The following UBR4 variants were observed in gnomAD, a reference collection of about 807,000 sequenced individuals.
UBR4 encodes E3 ubiquitin-protein ligase UBR4.
UBR4 carries 124 observed loss-of-function variants against 575.6 expected under a neutral mutation model. That is an observed-to-expected ratio of 0.22 (90% CI 0.19 to 0.25). The LOEUF (loss-of-function observed/expected upper bound fraction) is 0.25. Ranked by LOEUF, UBR4 falls within the 10% of genes least tolerant of loss-of-function variation. UBR4 has a pLI of 1.00. For missense variants in UBR4, 4,818 were observed against 6,478.8 expected, an observed-to-expected ratio of 0.74 and a Z score of 8.80; for synonymous variants, 2,455 against 2,473.7, an observed-to-expected ratio of 0.99 and a Z score of 0.22.
intron 11 of UBR4, among the ~76,000 whole-genome samples, chr1:19,191,658 G>C (rs2092091823): frequency 6.6e-6 from 1 of 152,096 alleles, no homozygotes; most frequent in Non-Finnish European, 1.5e-5. Context: ...TATCCTCAAT[G>C]CCTAGAATAG....
At chr1:19,077,876 G>A (rs191348599) in intron 104 of UBR4, 100 bp downstream of exon 104, 107 of 1,599,638 alleles carry the variant, frequency 6.7e-5, no homozygotes, top group Admixed American at 4.0e-4. Context: ...CAGGCCCAGC[G>A]GAGGAGCAGC....
At position 19,164,820 on chromosome 1, in the gene UBR4, G is replaced by A; in HGVS notation, c.4490C>T (p.Thr1497Ile). 6.2e-7 allele frequency: 1 copy of A among 1,614,218 alleles called. No individual in the cohort carries two copies. The highest frequency in any genetic ancestry group is 8.5e-7 in the Non-Finnish European group (1 of 1,180,032). ...ENRQLLQLLT[T>I]YIVRENSQVG... ...CTACCTGTTTTCCCGAACAATGTAT[G>A]TGGTCAGTAACTGCAGCAGCTGCCG... Residue 1497 changes from threonine to isoleucine, a missense_variant, in exon 32 of 106, where the codon ACA becomes ATA. Physicochemically the swap from Thr to Ile is moderately conservative, Grantham distance 89. Around this residue, in one of 29 missense-constraint regions of UBR4, gnomAD observed 1,172 missense variants for 1,259.7 expected, o/e 0.93. Coordinates refer to ENST00000375254, the MANE Select transcript of UBR4 (RefSeq NM_020765.3).
intron 34 of UBR4, 129 bp from the exon 35 acceptor site, chr1:19,162,740 T>A: frequency 8.5e-7 from 1 of 1,177,508 alleles, no homozygotes; most frequent in East Asian, 2.7e-5. Flanking sequence ...AAAAACAGTG[T>A]GTTTTTATTT....
At chr1:19,115,371 T>C in intron 74 of UBR4, 27 bp downstream of exon 74, 1 of 1,611,616 alleles carries the variant, frequency 6.2e-7, no homozygotes, top group South Asian at 1.1e-5. Flanking sequence ...TGCACAGCCC[T>C]GGCCTAGGGG....
At chr1:19,166,888 C>T in intron 29 of UBR4, 134 bp downstream of exon 29, 1 of 1,000,070 alleles carries the variant, frequency 1.0e-6, no homozygotes, top group Non-Finnish European at 1.5e-6. Context: ...AGAGCGAGAC[C>T]ATGTCTCAGA....
intron 60 of UBR4, among the ~76,000 whole-genome samples, chr1:19,133,570 A>G (rs925880866): frequency 2.6e-5 from 4 of 152,238 alleles, no homozygotes; most frequent in African/African-American, 9.6e-5. Context: ...ATTAAAAAGT[A>G]TAAAGATTGG....
chr1:19,146,170 G>T, intron 52 of UBR4: 1 of 1,351,862 alleles, frequency 7.4e-7, no homozygotes. Flanking sequence ...GAGCATTTAG[G>T]ATGTTTACCG....
intron 84 of UBR4, 64 bp downstream of exon 84, chr1:19,105,669 G>C: frequency 8.1e-7 from 1 of 1,241,044 alleles, no homozygotes; most frequent in Non-Finnish European, 1.1e-6. Flanking sequence ...TGGATTCCCC[G>C]GGGAAGATGA....
chr1:19,177,413 T>A (rs373063988), intron 19 of UBR4, 48 bp downstream of exon 19: 107 of 1,594,690 alleles, frequency 6.7e-5, no homozygotes, highest in Non-Finnish European at 8.7e-5. Context: ...TTGAGAAGAA[T>A]AAAGTTCTCA....
rs373433980 is a variant in UBR4 at position 19,074,877 on chromosome 1, G to A, written c.15507C>T (p.Thr5169=). The change falls in exon 106 of 106, where the codon ACC becomes ACT. Residue 5169 remains threonine, a synonymous_variant. Coordinates refer to ENST00000375254, the MANE Select transcript of UBR4 (RefSeq NM_020765.3). The part of the protein sequence containing the change: ...LDVAGLLSEI[T]DPESFLKDLL... ...GGTCCTTCAGGAAGCTCTCTGGATCGGTGATTTCTGATAAAAGACCTGCAA... is the reference window on the plus strand; with the variant it reads ...GGTCCTTCAGGAAGCTCTCTGGATCAGTGATTTCTGATAAAAGACCTGCAA... 226 of 1,613,986 alleles carry A rather than the reference G, an allele frequency of 1.4e-4. 2 individuals are homozygous for A. The highest frequency in any genetic ancestry group is 1.7e-4 in the Admixed American group (10 of 60,000).
chr1:19,074,688 C>A lies in UBR4; in HGVS notation c.*144G>T, dbSNP rs200837355. On this transcript the variant is annotated 3_prime_UTR_variant, in exon 106 of 106. Coordinates refer to ENST00000375254, the MANE Select transcript of UBR4 (RefSeq NM_020765.3). ...GATAAAACAGGAAGCCTAAAAACCC[C>A]AAGCCACACCAAGAAAAATGAGAGA... 1.0e-6 allele frequency: 1 copy of A among 961,708 alleles called. No homozygotes were observed. Among genetic ancestry groups the A allele is most frequent in the Non-Finnish European group, 1.6e-6 (1 of 629,928 alleles). The allele number at this position is 961,708 out of a possible 1,614,324, so 59.6% of individuals were successfully genotyped here. A position where few individuals can be genotyped will look rare whatever the true frequency, so the allele number is the denominator to read the frequency against.
At position 19,093,229 on chromosome 1, in the gene UBR4, GC is replaced by G; in HGVS notation, c.14111+83del. On this transcript the variant is annotated intron_variant, in intron 96 of 105. Coordinates refer to ENST00000375254, the MANE Select transcript of UBR4 (RefSeq NM_020765.3). This position sits in a 1 kb window ranked among gnomAD's most constrained non-coding sequence, Gnocchi z 4.8. The stretch of plus-strand genomic sequence containing the variant: ...AAGGAGGGCAAGGGGCACACGTGAA[GC>G]TTTATGCCAAGATGCTGATGGAGAA... The G allele has an allele frequency of 5.9e-6, 9 of 1,533,404 alleles. No homozygotes were observed. Among genetic ancestry groups the G allele is most frequent in the Non-Finnish European group, 8.0e-6 (9 of 1,129,770 alleles). The allele number at this position is 1,533,404 out of a possible 1,614,324, so 95.0% of individuals were successfully genotyped here. A position where few individuals can be genotyped will look rare whatever the true frequency, so the allele number is the denominator to read the frequency against.
intron 7 of UBR4, 94 bp downstream of exon 7, chr1:19,197,576 G>A (rs951523036): frequency 2.8e-5 from 43 of 1,521,660 alleles, no homozygotes; most frequent in Non-Finnish European, 3.5e-5. Context: ...ACAGTGAACC[G>A]AGACTGCACC....
rs571221975 is a variant in UBR4 at position 19,154,941 on chromosome 1, T to C, written c.6435A>G (p.Gln2145=). 3.0e-5 allele frequency: 48 copies of C among 1,614,048 alleles called. 2 individuals are homozygous for C. In the South Asian group the frequency reaches 4.7e-4, roughly 16 times the overall value. Residue 2145 remains glutamine (Q), a synonymous_variant, in exon 44 of 106, where the codon CAA becomes CAG. Transcript: ENST00000375254. ...ACCTTTTGATGTTGATGGGGAAGAG[T>C]TGCAACACCTCCAGGGTTGTCCTGC... The part of the protein sequence containing the change: ...TISRTTLEVL[Q]LFPINIKSSN...
chr1:19,167,374 A>G, intron 28 of UBR4, 143 bp from the exon 29 acceptor site: 1 of 749,394 alleles, frequency 1.3e-6, no homozygotes, highest in South Asian at 1.7e-5. Flanking sequence ...TTTTCCCATG[A>G]TAGCTATTTT....
intron 77 of UBR4, 119 bp downstream of exon 77, chr1:19,113,580 T>C (rs903729268): frequency 1.8e-5 from 27 of 1,468,782 alleles, no homozygotes; most frequent in Admixed American, 1.6e-4. Flanking sequence ...TTCAGCTAGA[T>C]TGGGCAGGGA....
chr1:19,113,337 C>G, intron 77 of UBR4: 1 of 303,194 alleles, frequency 3.3e-6, no homozygotes, highest in South Asian at 4.7e-5. Flanking sequence ...CCTTACCCTA[C>G]AGCCTGCAAA....
In UBR4 at chr1:19,076,837, G is replaced by A. The variant is rs142064832; in HGVS notation, c.15390C>T (p.Asn5130=). 1.7e-4 allele frequency: 276 copies of A among 1,612,910 alleles called. 2 individuals carry two copies. The African/African-American group carries it at 2.5e-3, about 14-fold the overall frequency. ...CGGCAGCTTCGTAGATGGGCATGTCGTTGTGGCGGATGTACTCAGCGAGAG... is the reference window on the plus strand; with the variant it reads ...CGGCAGCTTCGTAGATGGGCATGTCATTGTGGCGGATGTACTCAGCGAGAG... ...SCSLAEYIRH[N]DMPIYEAADK... is the part of the protein sequence containing the mutation. The change falls in exon 105 of 106, where the codon AAC becomes AAT. Residue 5130 remains asparagine (N), a synonymous_variant. Coordinates refer to ENST00000375254, the MANE Select transcript of UBR4 (RefSeq NM_020765.3).
intron 71 of UBR4, chr1:19,118,146 G>A: frequency 2.3e-6 from 1 of 442,052 alleles, no homozygotes; most frequent in Non-Finnish European, 4.0e-6. Flanking sequence ...CTATCCTTCA[G>A]AGGAATTCTA....
Sources: gnomAD v4.1 joint callset for allele counts (sites outside exome capture counted in the v4.1 genomes callset) on GRCh38, gnomAD v4.1.1 for gene constraint, gnomAD v4.1.1 regional missense constraint, Gnocchi (gnomAD v3.1) non-coding constraint, MANE v1.5 for transcripts, NCBI Gene and HGNC (gene_info 2026-07-23, HGNC 2026-07-21) for gene names.